Variants in FAAH observed in about 807,000 individuals in gnomAD.
FAAH encodes the protein fatty-acid amide hydrolase 1.
FAAH carries 63 observed loss-of-function variants against 69.7 expected under a neutral mutation model. That is an observed-to-expected ratio of 0.90 (90% CI 0.74 to 1.12). The LOEUF is 1.12. FAAH is among the 50% of genes most tolerant of loss of function. The pLI is 0.00. For missense variants in FAAH, 680 were observed against 755.0 expected (o/e 0.90, Z 1.16); for synonymous variants, 305 against 324.2 (o/e 0.94, Z 0.64).
chr1:46,394,686 A>G (rs1664565858), intron 1 of FAAH, 143 bp downstream of exon 1: 3 of 749,576 alleles, frequency 4.0e-6, no homozygotes, highest in Non-Finnish European at 5.5e-6. Flanking sequence ...GCCCTAAGAT[A>G]TTCCGCACTT....
At chr1:46,399,080 C>T (rs1664651818) in intron 1 of FAAH, among the ~76,000 whole-genome samples, 1 of 152,320 alleles carries the variant, frequency 6.6e-6, no homozygotes, top group South Asian at 2.1e-4. Context: ...AGAGACATCA[C>T]AGAACACCTA....
chr1:46,394,597 A>T, intron 1 of FAAH, 54 bp downstream of exon 1: 5 of 1,272,198 alleles, frequency 3.9e-6, no homozygotes, highest in Non-Finnish European at 5.0e-6. Context: ...TCGCAGCGGC[A>T]CTTTCAGCCG....
At position 46,405,878 on chromosome 1, in the gene FAAH, T is replaced by C; in HGVS notation, c.785+84T>C. 2.5e-6 allele frequency: 4 copies of C among 1,606,006 alleles called. No homozygotes were observed. Among genetic ancestry groups the C allele is most frequent in the Non-Finnish European group, 3.4e-6 (4 of 1,176,710 alleles). On this transcript the variant is annotated intron_variant, in intron 5 of 14. Coordinates refer to ENST00000243167, the MANE Select transcript of FAAH (RefSeq NM_001441.3). The surrounding 1 kb of genome is among the most constrained non-coding windows in gnomAD (Gnocchi z 4.1). ...AACCTCTCTGGGCTCCAGGCGGGGA[T>C]TCGGTCTCCGGGGTTTTGCTGGGAG... is the stretch of plus-strand genomic sequence containing the variant.
Position 46,413,436 on chromosome 1 carries a change from AT to A in FAAH, c.1612-10del. Reference sequence around the variant, plus strand: ...TTGCTAACCCTATCCTGATGCCTGTATCCCCTATAGGGCATGAAGAAGAGTG... The same window carrying A: ...TTGCTAACCCTATCCTGATGCCTGTACCCCTATAGGGCATGAAGAAGAGTG... On this transcript the variant is annotated splice_polypyrimidine_tract_variant and intron_variant, in intron 14 of 14. Coordinates refer to ENST00000243167, the MANE Select transcript of FAAH (RefSeq NM_001441.3). The A allele has an allele frequency of 6.2e-7, 1 of 1,614,088 alleles. No homozygotes were observed. Among genetic ancestry groups the A allele is most frequent in the Middle Eastern group, 1.6e-4 (1 of 6,062 alleles).
rs967833843 is a variant in FAAH at position 46,411,554 on chromosome 1, G to A, written c.1317-58G>A. The A allele has an allele frequency of 6.3e-7, 1 of 1,596,530 alleles. No individual in the cohort carries two copies. The highest frequency in any genetic ancestry group is 8.6e-7 in the Non-Finnish European group (1 of 1,165,704). ...AGAGGGTTGGCAGTAGGGGTCTGATGTTGCTGATCTCCGTGGCTGTGACCA... is the reference window on the plus strand; with the variant it reads ...AGAGGGTTGGCAGTAGGGGTCTGATATTGCTGATCTCCGTGGCTGTGACCA... On this transcript the variant is annotated intron_variant, in intron 11 of 14. Coordinates refer to ENST00000243167, the MANE Select transcript of FAAH (RefSeq NM_001441.3). This position sits in a 1 kb window ranked among gnomAD's most constrained non-coding sequence, Gnocchi z 4.8.
Position 46,411,600 on chromosome 1 carries a change from C to T in FAAH, c.1317-12C>T, listed in dbSNP as rs1473643452. On this transcript the variant is annotated splice_polypyrimidine_tract_variant and intron_variant, in intron 11 of 14. Coordinates refer to ENST00000243167, the MANE Select transcript of FAAH (RefSeq NM_001441.3). The surrounding 1 kb of genome is among the most constrained non-coding windows in gnomAD (Gnocchi z 4.8). ...GACCATCATGGCTGGTGACCACACT[C>T]CTTCTGCCCAGTTCGGCTGGAAAAC... 1.2e-6 allele frequency: 2 copies of T among 1,613,896 alleles called. No individual in the cohort carries two copies. Among genetic ancestry groups the T allele is most frequent in the East Asian group, 2.2e-5 (1 of 44,884 alleles).
At position 46,413,786 on chromosome 1, in the gene FAAH, C is replaced by A; in HGVS notation, c.*211C>A. The A allele has an allele frequency of 1.6e-6, 1 of 642,890 alleles. No homozygotes were observed. The highest frequency in any genetic ancestry group is 1.8e-5 in the South Asian group (1 of 55,162). 39.8% of individuals were successfully genotyped at this position (642,890 alleles called of 1,614,324 possible). On this transcript the variant is annotated 3_prime_UTR_variant, in exon 15 of 15. Transcript: ENST00000243167. ...CCTCTCTTCGTCCTGATCCCTCCAC[C>A]CCCATGTGGCAGCCCATGGGTATGA...
intron 7 of FAAH, among the ~76,000 whole-genome samples, chr1:46,406,960 A>C (rs903644403): frequency 1.3e-5 from 2 of 152,052 alleles, no homozygotes; most frequent in Admixed American, 6.5e-5. Flanking sequence ...CCAGGGATGC[A>C]GGAATCATTT....
In FAAH at chr1:46,410,411, G is replaced by C; in HGVS notation, c.1189G>C (p.Val397Leu). The C allele has an allele frequency of 6.2e-7, 1 of 1,614,098 alleles. No homozygotes were observed. Among genetic ancestry groups the C allele is most frequent in the Non-Finnish European group, 8.5e-7 (1 of 1,179,970 alleles). ...TTTGTTTCCCAGCAAAGGTGATTTCGTGGACCCCTGCCTGGGGGACCTGGT... is the reference window on the plus strand; with the variant it reads ...TTTGTTTCCCAGCAAAGGTGATTTCCTGGACCCCTGCCTGGGGGACCTGGT... ...TFLQNFKGDF[V>L]DPCLGDLVSI... Residue 397 changes from valine (V) to leucine (L), a missense_variant, in exon 10 of 15, where the codon GTG (valine) becomes CTG (leucine). By Grantham distance (32) the Val-to-Leu change is conservative. Transcript: ENST00000243167. The surrounding 1 kb of genome is among the most constrained non-coding windows in gnomAD (Gnocchi z 4.9).
At chr1:46,408,328 A>G (rs182454984) in intron 7 of FAAH, 131 bp from the exon 8 acceptor site, 25 of 1,203,636 alleles carry the variant, frequency 2.1e-5, no homozygotes, top group Middle Eastern at 1.9e-4. Flanking sequence ...GGTCAGATGC[A>G]GAAGGGGCTG....
At chr1:46,406,446 A>G (rs1195481296) in intron 7 of FAAH, 78 bp downstream of exon 7, 2 of 1,592,726 alleles carry the variant, frequency 1.3e-6, no homozygotes, top group Non-Finnish European at 1.7e-6. Context: ...CAGGCCTTGG[A>G]GCCCCTGTCT....
intron 13 of FAAH, 74 bp from the exon 14 acceptor site, chr1:46,413,001 G>T (rs1664944005): frequency 1.9e-6 from 3 of 1,575,994 alleles, no homozygotes; most frequent in Middle Eastern, 1.7e-4. Flanking sequence ...CATTTCATAT[G>T]AGGTTTGACT....
chr1:46,413,408 G>A, intron 14 of FAAH, 39 bp from the exon 15 acceptor site: 1 of 1,613,896 alleles, frequency 6.2e-7, no homozygotes, highest in Non-Finnish European at 8.5e-7. Context: ...GGGGAGTCCT[G>A]CCTTGCTAAC....
In FAAH at chr1:46,413,647, C is replaced by G. The variant is rs1233448235; in HGVS notation, c.*72C>G. 1 of 1,601,314 alleles carries G rather than the reference C, an allele frequency of 6.2e-7. No homozygotes were observed. The highest frequency in any genetic ancestry group is 8.5e-7 in the Non-Finnish European group (1 of 1,169,796). The stretch of plus-strand genomic sequence containing the variant: ...GCCTAGTCAGGGCACAGCTGCCCTG[C>G]TGCCACAGCAAGGAAATGTCCTGCA... On this transcript the variant is annotated 3_prime_UTR_variant, in exon 15 of 15. Coordinates refer to ENST00000243167, the MANE Select transcript of FAAH (RefSeq NM_001441.3).
chr1:46,405,140 A>G lies in FAAH; in HGVS notation c.436A>G (p.Thr146Ala). 1 of 1,613,582 alleles carries G rather than the reference A, an allele frequency of 6.2e-7. No homozygotes were observed. The highest frequency in any genetic ancestry group is 8.5e-7 in the Non-Finnish European group (1 of 1,179,980). ...CCCTGTGAGCCTCAAGGAGTGCTTC[A>G]CCTACAAGGTATGCTCTGCCTCAGC... ...GVPVSLKECFTYKGQDSTLGL... is the reference protein window; with the variant it reads ...GVPVSLKECFAYKGQDSTLGL... Residue 146 changes from threonine (T) to alanine (A), a missense_variant, in exon 3 of 15, where the codon ACC (threonine) becomes GCC (alanine). Transcript: ENST00000243167. This position sits in a 1 kb window ranked among gnomAD's most constrained non-coding sequence, Gnocchi z 4.1.
intron 1 of FAAH, among the ~76,000 whole-genome samples, chr1:46,397,397 A>T (rs941546447): frequency 2.6e-5 from 4 of 152,112 alleles, no homozygotes; most frequent in African/African-American, 9.7e-5. Context: ...CCAGGACAGA[A>T]GTTTTGGCTC....
In FAAH at chr1:46,410,567, C is replaced by G; in HGVS notation, c.1275+70C>G. Reference sequence around the variant, plus strand: ...CCTAGGGCCTCCTATCGCATGATCCCCCATGGCCTCCCTCAGCCTCTCTTG... The same window carrying G: ...CCTAGGGCCTCCTATCGCATGATCCGCCATGGCCTCCCTCAGCCTCTCTTG... On this transcript the variant is annotated intron_variant, in intron 10 of 14. Transcript: ENST00000243167. This position sits in a 1 kb window ranked among gnomAD's most constrained non-coding sequence, Gnocchi z 4.9. The G allele has an allele frequency of 7.2e-7, 1 of 1,397,704 alleles. No homozygotes were observed. The highest frequency in any genetic ancestry group is 1.2e-5 in the South Asian group (1 of 85,266). The allele number at this position is 1,397,704 out of a possible 1,614,324, so 86.6% of individuals were successfully genotyped here. A position where few individuals can be genotyped will look rare whatever the true frequency, so the allele number is the denominator to read the frequency against.
Position 46,411,834 on chromosome 1 carries a change from C to T in FAAH, c.1356+183C>T, listed in dbSNP as rs1664921351. Among the ~76,000 whole-genome samples, 1 of 152,236 alleles carries T rather than the reference C, an allele frequency of 6.6e-6. No individual in the cohort carries two copies. Among genetic ancestry groups the T allele is most frequent in the African/African-American group, 2.4e-5 (1 of 41,462 alleles). On this transcript the variant is annotated intron_variant, in intron 12 of 14. Coordinates refer to ENST00000243167, the MANE Select transcript of FAAH (RefSeq NM_001441.3). The surrounding 1 kb of genome is among the most constrained non-coding windows in gnomAD (Gnocchi z 4.8). ...TCTCTGACCCTTACTTGCCTAGATG[C>T]CCATCCTTTGAGGCTGGGTCAGCCC...
intron 1 of FAAH, among the ~76,000 whole-genome samples, chr1:46,396,303 C>T (rs186392703): frequency 2.0e-5 from 3 of 152,322 alleles, no homozygotes; most frequent in East Asian, 1.9e-4. Context: ...GTAAATAGAA[C>T]GTAGGATCGG....
Sources: allele counts gnomAD v4.1 joint callset (sites outside exome capture counted in the v4.1 genomes callset), GRCh38; gene constraint gnomAD v4.1.1; non-coding constraint Gnocchi (gnomAD v3.1); transcripts MANE v1.5; gene names NCBI Gene and HGNC (gene_info 2026-07-23, HGNC 2026-07-21).